Variants in TP73 observed in about 807,000 individuals in gnomAD.
The protein encoded by TP73 is p53-like transcription factor.
A neutral mutation model predicts 62.5 loss-of-function variants in TP73; 25 were observed. The observed-to-expected ratio is 0.40, with a 90% CI of 0.29 to 0.56. TP73 has a LOEUF of 0.56. TP73 is among the 20% of genes least tolerant of loss of function. The pLI, the probability that TP73 is intolerant of heterozygous loss-of-function variation, is 0.46. For synonymous variants in TP73, 423 were observed against 377.5 expected (o/e 1.12, Z -1.40); for missense variants, 754 against 913.3 (o/e 0.83, Z 2.25).
At chr1:3,655,179 G>A (rs1453098302) in intron 1 of TP73, among the ~76,000 whole-genome samples, 1 of 152,234 alleles carries the variant, frequency 6.6e-6, no homozygotes, top group African/African-American at 2.4e-5. Context: ...TTGAGATCAG[G>A]AGTTCAAGAC....
chr1:3,660,881 A>G (rs556347360), intron 1 of TP73, among the ~76,000 whole-genome samples: 88 of 152,374 alleles, frequency 5.8e-4, no homozygotes, highest in Admixed American at 2.0e-3. Context: ...GTAACTGATG[A>G]GGAAGTTTGG....
In TP73 at chr1:3,722,189, G is replaced by A. The variant is rs777617569; in HGVS notation, c.598G>A (p.Gly200Arg). Residue 200 changes from glycine (G) to arginine (R), a missense_variant, in exon 5 of 14, where the codon GGG (glycine) becomes AGG (arginine). Physicochemically the swap from Gly to Arg is moderately radical, Grantham distance 125. Around this residue, in one of 3 missense-constraint regions of TP73, gnomAD observed 61 missense variants for 133.2 expected, o/e 0.46. Transcript: ENST00000378295. ...GAAACGCTGCCCCAACCACGAGCTC[G>A]GGAGGGACTTCAACGAAGGTGAGGG... Reference protein sequence around the residue: ...VVKRCPNHELGRDFNEGQSAP... With the variant: ...VVKRCPNHELRRDFNEGQSAP... 35 of 1,612,456 alleles carry A rather than the reference G, an allele frequency of 2.2e-5. No individual in the cohort carries two copies. In the Admixed American group the frequency reaches 2.8e-4, roughly 13 times the overall value.
At chr1:3,695,755 C>T (rs568889038) in intron 3 of TP73, among the ~76,000 whole-genome samples, 99 of 152,342 alleles carry the variant, frequency 6.5e-4, no homozygotes, top group Non-Finnish European at 1.2e-3. Flanking sequence ...AGCTGGCAGA[C>T]GTTCTGGGAG....
rs756389182 is a variant in TP73 at position 3,735,694 on chromosome 1, G to C, written c.*2615G>C. On this transcript the variant is annotated 3_prime_UTR_variant, in exon 14 of 14. Transcript: ENST00000378295. ...GGATGGTTTTCCCAGCAGTGCAGGGGTTGGAGGGAGGCTGCTGGCACTCCT... is the reference window on the plus strand; with the variant it reads ...GGATGGTTTTCCCAGCAGTGCAGGGCTTGGAGGGAGGCTGCTGGCACTCCT... 6.6e-6 allele frequency: 1 copy of C among 152,268 alleles called. No homozygotes were observed. The highest frequency in any genetic ancestry group is 2.1e-4 in the South Asian group (1 of 4,828). The allele number at this position is 152,268 out of a possible 1,614,324, so 9.4% of individuals were successfully genotyped here.
At chr1:3,679,392 C>T (rs1053276839) in intron 1 of TP73, among the ~76,000 whole-genome samples, 2 of 152,170 alleles carry the variant, frequency 1.3e-5, no homozygotes, top group African/African-American at 2.4e-5. Flanking sequence ...GGGATGCCGT[C>T]GGCTCCCACG....
intron 1 of TP73, among the ~76,000 whole-genome samples, chr1:3,658,573 C>T (rs139183653): frequency 2.0e-5 from 3 of 152,300 alleles, no homozygotes; most frequent in Non-Finnish European, 2.9e-5. Context: ...TGAGAAAATG[C>T]GTCTTGGCGC....
intron 4 of TP73, 21 bp downstream of exon 4, chr1:3,707,812 A>C (rs1557546789): frequency 1.2e-6 from 2 of 1,606,614 alleles, no homozygotes; most frequent in East Asian, 2.2e-5. Context: ...CTAGTCCCTG[A>C]GGGCTGCGGG....
intron 1 of TP73, among the ~76,000 whole-genome samples, chr1:3,661,833 A>G (rs192626092): frequency 9.5e-5 from 14 of 147,284 alleles, no homozygotes; most frequent in Middle Eastern, 3.6e-3. Context: ...TATACACGCT[A>G]TATATATAAT....
intron 1 of TP73, among the ~76,000 whole-genome samples, chr1:3,658,770 CGTATTCTGGTCTCCTACAGTCATAT>C (rs1644921957): frequency 6.6e-6 from 1 of 150,856 alleles, no homozygotes; most frequent in Non-Finnish European, 1.5e-5. Flanking sequence ...TTTGGGGTGA[CGTATTCTGGTCTCCTACAGTCATAT>C]TTTGGGGTGA....
intron 4 of TP73, among the ~76,000 whole-genome samples, chr1:3,719,466 G>C (rs1249996091): frequency 6.6e-6 from 1 of 152,220 alleles, no homozygotes; most frequent in African/African-American, 2.4e-5. Context: ...TCCTCCTTCT[G>C]TCCCCAACCA....
Position 3,666,150 on chromosome 1 carries a change from A to AAAG in TP73, c.-34+13510_-34+13511insAGA, listed in dbSNP as rs1645109111. 2.2e-5 allele frequency among the ~76,000 whole-genome samples: 3 copies of AAAG among 138,630 alleles called. No individual in the cohort carries two copies. The highest frequency in any genetic ancestry group is 5.9e-5 in the African/African-American group (2 of 33,958). The allele number at this position is 138,630 out of a possible 152,430, so 90.9% of individuals were successfully genotyped here. On this transcript the variant is annotated intron_variant, in intron 1 of 13. Coordinates refer to ENST00000378295, the MANE Select transcript of TP73 (RefSeq NM_005427.4). This position sits in a 1 kb window ranked among gnomAD's most constrained non-coding sequence, Gnocchi z 6.4. Reference sequence around the variant, plus strand: ...AAAAAAAAAAAAAAAAAAAAAAAAAAAGAGAGAGAGAGAGAGAGAATCTCA... The same window carrying AAAG: ...AAAAAAAAAAAAAAAAAAAAAAAAAAAAGAGAGAGAGAGAGAGAGAGAATCTCA...
intron 1 of TP73, among the ~76,000 whole-genome samples, chr1:3,675,628 C>T (rs896215486): frequency 2.0e-5 from 3 of 152,018 alleles, no homozygotes; most frequent in Admixed American, 6.5e-5. Flanking sequence ...GCGGACGGCT[C>T]GGTCTCAGAG....
At chr1:3,710,625 A>G (rs1640060945) in intron 4 of TP73, among the ~76,000 whole-genome samples, 1 of 152,160 alleles carries the variant, frequency 6.6e-6, no homozygotes. Context: ...ATCAGGAAAA[A>G]CACCCTCACC....
At chr1:3,691,699 A>G (rs1367928465) in intron 3 of TP73, among the ~76,000 whole-genome samples, 2 of 152,172 alleles carry the variant, frequency 1.3e-5, no homozygotes, top group African/African-American at 4.8e-5. Context: ...GGCTCGGCAC[A>G]GCTGCTCCAC....
Position 3,728,217 on chromosome 1 carries a change from G to C in TP73, c.1074G>C (p.Gln358His), listed in dbSNP as rs150322501. ...GAGACGAGGACACGTACTACCTTCAGGTGAGTGTGTGCTCCTGCACGGCAG... is the reference window on the plus strand; with the variant it reads ...GAGACGAGGACACGTACTACCTTCACGTGAGTGTGTGCTCCTGCACGGCAG... ...RHGDEDTYYL[Q>H]VRGRENFEIL... The change falls in exon 9 of 14, where the codon CAG becomes CAC. Residue 358 changes from glutamine (Q) to histidine (H), a missense_variant and splice_region_variant. Coordinates refer to ENST00000378295, the MANE Select transcript of TP73 (RefSeq NM_005427.4). 1 of 1,611,404 alleles carries C rather than the reference G, an allele frequency of 6.2e-7. No individual in the cohort carries two copies. The highest frequency in any genetic ancestry group is 1.3e-5 in the African/African-American group (1 of 75,074).
In TP73 at chr1:3,670,601, G is replaced by A. The variant is rs565383221; in HGVS notation, c.-33-11732G>A. On this transcript the variant is annotated intron_variant, in intron 1 of 13. Transcript: ENST00000378295. The surrounding 1 kb of genome is among the most constrained non-coding windows in gnomAD (Gnocchi z 5.9). The stretch of plus-strand genomic sequence containing the variant: ...GAATCATTTGAACCTGGAAGGCGGA[G>A]GTTGCAGTGAGCTGAGATCGTACCA... Among the ~76,000 whole-genome samples the A allele has an allele frequency of 6.6e-6, 1 of 152,268 alleles. No individual in the cohort carries two copies. Among genetic ancestry groups the A allele is most frequent in the African/African-American group, 2.4e-5 (1 of 41,550 alleles).
At chr1:3,656,549 C>T (rs1399556156) in intron 1 of TP73, among the ~76,000 whole-genome samples, 2 of 152,198 alleles carry the variant, frequency 1.3e-5, no homozygotes, top group African/African-American at 2.4e-5. Flanking sequence ...ATAATTATGC[C>T]CATTTACAGA....
At chr1:3,685,705 G>T (rs2102106042) in intron 3 of TP73, among the ~76,000 whole-genome samples, 1 of 152,334 alleles carries the variant, frequency 6.6e-6, no homozygotes, top group Middle Eastern at 3.4e-3. Context: ...ATGGCCCCTG[G>T]CCCGCTAACT....
At chr1:3,679,762 C>T (rs1645471298) in intron 1 of TP73, among the ~76,000 whole-genome samples, 1 of 151,056 alleles carries the variant, frequency 6.6e-6, no homozygotes, top group Non-Finnish European at 1.5e-5. Context: ...CTCTCTCCGT[C>T]TCTCTTTGTC....
Sources: gnomAD v4.1 joint callset for allele counts (sites outside exome capture counted in the v4.1 genomes callset) on GRCh38, gnomAD v4.1.1 for gene constraint, gnomAD v4.1.1 regional missense constraint, Gnocchi (gnomAD v3.1) non-coding constraint, MANE v1.5 for transcripts, NCBI Gene and HGNC (gene_info 2026-07-23, HGNC 2026-07-21) for gene names.